NALF1: variants seen among roughly 807,000 people sequenced by gnomAD.
The protein encoded by NALF1 is NALCN channel auxiliary factor 1, also known as family with sequence similarity 155 member A.
NALF1 carries 3 observed loss-of-function variants against 48.4 expected under a neutral mutation model. The observed-to-expected ratio is 0.06, with a 90% CI of 0.03 to 0.16. NALF1 has a LOEUF of 0.16. Ranked by LOEUF, NALF1 falls within the 10% of genes least tolerant of loss-of-function variation. The probability of loss-of-function intolerance (pLI) is 1.00; values close to 1 mark genes in which losing one functional copy is unlikely to be tolerated. For synonymous variants in NALF1, 262 were observed against 245.7 expected (o/e 1.07, Z -0.62); for missense variants, 526 against 571.5 (o/e 0.92, Z 0.81).
At chr13:107,624,573 A>G (rs1045255854) in intron 1 of NALF1, among the ~76,000 whole-genome samples, 1 of 152,188 alleles carries the variant, frequency 6.6e-6, no homozygotes, top group Non-Finnish European at 1.5e-5. Context: ...AGTAAAACGT[A>G]TCATTTTAAT....
In NALF1 at chr13:107,225,065, G is replaced by C. The variant is rs2031388; in HGVS notation, c.916-14310C>G. ...CTCTTGTCACCCAGGCTGGAGTGCA[G>C]TGGCACAATCTCGGCTCACTGCAAC... On this transcript the variant is annotated intron_variant, in intron 1 of 2. Coordinates refer to ENST00000375915, the MANE Select transcript of NALF1 (RefSeq NM_001080396.3). Among the ~76,000 whole-genome samples the C allele has an allele frequency of 5.2e-3, 795 of 152,212 alleles. 5 individuals are homozygous for C. Among genetic ancestry groups the C allele is most frequent in the African/African-American group, 0.018 (733 of 41,514 alleles).
chr13:107,381,471 T>C (rs1883438105), intron 1 of NALF1, among the ~76,000 whole-genome samples: 1 of 152,076 alleles, frequency 6.6e-6, no homozygotes, highest in South Asian at 2.1e-4. Flanking sequence ...GTGGAAATTA[T>C]AGATGTGAGC....
intron 1 of NALF1, among the ~76,000 whole-genome samples, chr13:107,548,894 G>A (rs1475550394): frequency 6.6e-6 from 1 of 151,950 alleles, no homozygotes; most frequent in Non-Finnish European, 1.5e-5. Flanking sequence ...CATATTTTGG[G>A]AATCCAAATA....
intron 1 of NALF1, among the ~76,000 whole-genome samples, chr13:107,863,307 T>C (rs1026517184): frequency 9.2e-5 from 14 of 152,146 alleles, no homozygotes; most frequent in African/African-American, 3.4e-4. Context: ...GTGAATGTGT[T>C]TGTGGCTTTT....
At chr13:107,588,923 C>T (rs913457199) in intron 1 of NALF1, among the ~76,000 whole-genome samples, 2 of 152,072 alleles carry the variant, frequency 1.3e-5, no homozygotes, top group Non-Finnish European at 2.9e-5. Context: ...TTTGAAAATG[C>T]TGAAATGATC....
intron 1 of NALF1, among the ~76,000 whole-genome samples, chr13:107,787,839 C>T (rs1439356724): frequency 6.6e-6 from 1 of 152,206 alleles, no homozygotes; most frequent in African/African-American, 2.4e-5. Context: ...ATAAGTGCAT[C>T]TGCAAATCCA....
chr13:107,707,696 A>G (rs4113421), intron 1 of NALF1, among the ~76,000 whole-genome samples: 147,273 of 152,322 alleles, frequency 0.97, 71,356 homozygotes, highest in Non-Finnish European at 1. Context: ...TAGATATTTG[A>G]GGGTAGACTT....
At chr13:107,330,615 G>T (rs1882451370) in intron 1 of NALF1, among the ~76,000 whole-genome samples, 1 of 152,180 alleles carries the variant, frequency 6.6e-6, no homozygotes, top group African/African-American at 2.4e-5. Flanking sequence ...ATCACATAAG[G>T]TCTTTTTCAC....
chr13:107,233,473 T>C (rs1880270795), intron 1 of NALF1, among the ~76,000 whole-genome samples: 1 of 152,240 alleles, frequency 6.6e-6, no homozygotes. Context: ...TCACGTTCCA[T>C]AGTGTGGACT....
chr13:107,187,595 C>A (rs1172316255), intron 2 of NALF1, among the ~76,000 whole-genome samples: 1 of 152,170 alleles, frequency 6.6e-6, no homozygotes, highest in African/African-American at 2.4e-5. Context: ...GAAAGAAGAA[C>A]CCTGGTTTTA....
chr13:107,701,599 T>C (rs1270408771), intron 1 of NALF1, among the ~76,000 whole-genome samples: 2 of 151,880 alleles, frequency 1.3e-5, no homozygotes, highest in African/African-American at 4.8e-5. Context: ...AATGGGGAGA[T>C]AGATGTGGGT....
intron 1 of NALF1, among the ~76,000 whole-genome samples, chr13:107,481,079 G>A (rs1417377206): frequency 1.3e-5 from 2 of 152,132 alleles, no homozygotes; most frequent in Non-Finnish European, 2.9e-5. Flanking sequence ...AATCTGAAGA[G>A]GTTTTGAGGC....
intron 1 of NALF1, among the ~76,000 whole-genome samples, chr13:107,699,788 A>T (rs1310669693): frequency 6.6e-6 from 1 of 152,094 alleles, no homozygotes; most frequent in Non-Finnish European, 1.5e-5. Context: ...TCCACACACA[A>T]AAAAACTGTT....
chr13:107,592,086 A>G (rs1357981226), intron 1 of NALF1, among the ~76,000 whole-genome samples: 3 of 152,010 alleles, frequency 2.0e-5, no homozygotes, highest in African/African-American at 4.8e-5. Flanking sequence ...ACATGTGTAA[A>G]TAATTTTTTA....
intron 1 of NALF1, among the ~76,000 whole-genome samples, chr13:107,428,144 G>A (rs1271708351): frequency 6.6e-6 from 1 of 152,162 alleles, no homozygotes; most frequent in Non-Finnish European, 1.5e-5. Context: ...AGCTGCCTCT[G>A]GCTAGCAAGT....
At chr13:107,699,466 C>CTGAAAGGACTTTCTAAAACAGGCA (rs1881772018) in intron 1 of NALF1, among the ~76,000 whole-genome samples, 1 of 152,090 alleles carries the variant, frequency 6.6e-6, no homozygotes, top group Non-Finnish European at 1.5e-5. Context: ...TAAAACAGGC[C>CTGAAAGGACTTTCTAAAACAGGCA]ACTGAAAGGA....
chr13:107,608,117 G>A (rs765545328), intron 1 of NALF1, among the ~76,000 whole-genome samples: 13 of 152,186 alleles, frequency 8.5e-5, no homozygotes, highest in Non-Finnish European at 1.6e-4. Flanking sequence ...CAACTTTAAT[G>A]TCTTATTTTG....
At chr13:107,468,746 A>G (rs1885048486) in intron 1 of NALF1, among the ~76,000 whole-genome samples, 1 of 152,204 alleles carries the variant, frequency 6.6e-6, no homozygotes, top group Admixed American at 6.5e-5. Context: ...ACAAATAGTT[A>G]TAATAATGGG....
intron 2 of NALF1, among the ~76,000 whole-genome samples, chr13:107,189,711 C>T (rs773787784): frequency 3.3e-5 from 5 of 152,230 alleles, no homozygotes; most frequent in African/African-American, 4.8e-5. Context: ...ATTGCAACTC[C>T]TTTCTCTTTT....
Sources: gnomAD v4.1 joint callset for allele counts (sites outside exome capture counted in the v4.1 genomes callset) on GRCh38, gnomAD v4.1.1 for gene constraint, MANE v1.5 for transcripts, NCBI Gene and HGNC (gene_info 2026-07-23, HGNC 2026-07-21) for gene names.